Variants in VMP1 observed in about 807,000 individuals in gnomAD.
VMP1 encodes the protein ectopic P-granules autophagy protein 3 homolog.
In VMP1, 11 loss-of-function variants were observed where a neutral mutation model predicts 56.0. That is an observed-to-expected ratio of 0.20 (90% CI 0.12 to 0.32). The LOEUF (loss-of-function observed/expected upper bound fraction) is 0.32, where lower values mean the gene tolerates loss of function less well. Ranked by LOEUF, VMP1 falls within the 10% of genes least tolerant of loss-of-function variation. The pLI is 1.00. For missense variants in VMP1, 296 were observed against 490.3 expected, an observed-to-expected ratio of 0.60 and a Z score of 3.74; for synonymous variants, 149 against 165.0, an observed-to-expected ratio of 0.90 and a Z score of 0.74.
At chr17:59,739,723 CAAAAAAAAAAAAAA>C (rs35210425) in intron 5 of VMP1, among the ~76,000 whole-genome samples, 1 of 41,562 alleles carries the variant, frequency 2.4e-5, no homozygotes, top group African/African-American at 1.0e-4. Context: ...GACTCTGTCT[CAAAAAAAAAAAAAA>C]AAAAAAAAGT....
At chr17:59,786,918 G>A (rs1484017705) in intron 7 of VMP1, among the ~76,000 whole-genome samples, 3 of 152,130 alleles carry the variant, frequency 2.0e-5, no homozygotes, top group African/African-American at 7.2e-5. Flanking sequence ...CATTAAAGGC[G>A]TTGTCAAAAC....
chr17:59,750,493 G>A (rs548870929), intron 5 of VMP1, among the ~76,000 whole-genome samples: 3 of 151,998 alleles, frequency 2.0e-5, no homozygotes, highest in East Asian at 1.9e-4. Flanking sequence ...GTAGAAATGG[G>A]GTTTCACCAT....
At chr17:59,714,538 T>C (rs1371217257) in intron 1 of VMP1, among the ~76,000 whole-genome samples, 1 of 152,130 alleles carries the variant, frequency 6.6e-6, no homozygotes, top group African/African-American at 2.4e-5. Context: ...ATAAAAGTGG[T>C]TACATCTAGC....
At chr17:59,796,055 T>C (rs1273891474) in intron 7 of VMP1, among the ~76,000 whole-genome samples, 1 of 152,194 alleles carries the variant, frequency 6.6e-6, no homozygotes, top group Non-Finnish European at 1.5e-5. Flanking sequence ...ATCTTTCTTG[T>C]TTTTGCTCTC....
Position 59,840,090 on chromosome 17 carries a change from T to A in VMP1, c.*179T>A. On this transcript the variant is annotated 3_prime_UTR_variant, in exon 12 of 12. Transcript: ENST00000262291. ...CATACTTTTTCCTTCTGTGCTAAGGTAAGGTATCCACCCTCGATGCAATCC... is the reference window on the plus strand; with the variant it reads ...CATACTTTTTCCTTCTGTGCTAAGGAAAGGTATCCACCCTCGATGCAATCC... 1 of 708,212 alleles carries A rather than the reference T, an allele frequency of 1.4e-6. No homozygotes were observed. The highest frequency in any genetic ancestry group is 2.2e-6 in the Non-Finnish European group (1 of 449,736). The allele number at this position is 708,212 out of a possible 1,614,324, so 43.9% of individuals were successfully genotyped here.
intron 6 of VMP1, among the ~76,000 whole-genome samples, chr17:59,771,166 CTT>C (rs59535247): frequency 6.8e-6 from 1 of 146,282 alleles, no homozygotes; most frequent in Non-Finnish European, 1.5e-5. Context: ...TACATTACAC[CTT>C]TTTTTTTTTT....
intron 7 of VMP1, 112 bp from the exon 8 acceptor site, chr17:59,808,684 A>T: frequency 1.3e-6 from 1 of 784,698 alleles, no homozygotes; most frequent in Middle Eastern, 3.5e-4. Flanking sequence ...TTCATCATTC[A>T]TCTTATTAAT....
intron 7 of VMP1, among the ~76,000 whole-genome samples, chr17:59,787,300 T>C (rs2037038990): frequency 6.6e-6 from 1 of 152,226 alleles, no homozygotes; most frequent in Non-Finnish European, 1.5e-5. Flanking sequence ...TGAACTCTTT[T>C]GCCACCTCAC....
At position 59,801,174 on chromosome 17, in the gene VMP1, A is replaced by G. The variant is rs548247083; in HGVS notation, c.715-7622A>G. On this transcript the variant is annotated intron_variant, in intron 7 of 11. Coordinates refer to ENST00000262291, the MANE Select transcript of VMP1 (RefSeq NM_030938.5). Reference sequence around the variant, plus strand: ...TATGGCACATACAGTTATATATAGTACATAATACTTGATAGTAAATGAAAT... The same window carrying G: ...TATGGCACATACAGTTATATATAGTGCATAATACTTGATAGTAAATGAAAT... Among the ~76,000 whole-genome samples the G allele has an allele frequency of 1.2e-4, 18 of 149,518 alleles. No individual in the cohort carries two copies. The South Asian group carries it at 3.8e-3, about 32-fold the overall frequency.
intron 1 of VMP1, among the ~76,000 whole-genome samples, chr17:59,708,756 T>A (rs184607321): frequency 1.3e-3 from 200 of 152,364 alleles, no homozygotes; most frequent in Non-Finnish European, 2.3e-3. Flanking sequence ...TTTAGTTGTG[T>A]ATTCTTAGCA....
intron 7 of VMP1, among the ~76,000 whole-genome samples, chr17:59,805,910 T>C (rs954465736): frequency 4.6e-5 from 7 of 152,140 alleles, no homozygotes; most frequent in Admixed American, 4.6e-4. Flanking sequence ...TTACCTTTTC[T>C]TGGCAATTGA....
At chr17:59,819,820 C>T (rs1373377367) in intron 10 of VMP1, among the ~76,000 whole-genome samples, 2 of 152,210 alleles carry the variant, frequency 1.3e-5, no homozygotes, top group Non-Finnish European at 1.5e-5. Flanking sequence ...CTTGAGACTG[C>T]AGAGCGCAGT....
intron 1 of VMP1, among the ~76,000 whole-genome samples, chr17:59,722,480 C>T (rs1237312660): frequency 6.6e-6 from 1 of 152,116 alleles, no homozygotes; most frequent in Admixed American, 6.6e-5. Flanking sequence ...GTTATGAGCC[C>T]AGCCTAATAA....
At chr17:59,722,167 TG>T (rs964134231) in intron 1 of VMP1, among the ~76,000 whole-genome samples, 2 of 152,110 alleles carry the variant, frequency 1.3e-5, no homozygotes, top group Non-Finnish European at 2.9e-5. Context: ...CATATGAATT[TG>T]GGGGGGCACA....
At chr17:59,739,902 C>T (rs1350529341) in intron 5 of VMP1, among the ~76,000 whole-genome samples, 9 of 150,750 alleles carry the variant, frequency 6.0e-5, no homozygotes, top group South Asian at 2.1e-4. Flanking sequence ...GGTGAAACCC[C>T]GTCTCTACTA....
intron 5 of VMP1, among the ~76,000 whole-genome samples, chr17:59,742,231 G>A (rs774634195): frequency 1.3e-5 from 2 of 152,056 alleles, no homozygotes; most frequent in Non-Finnish European, 2.9e-5. Flanking sequence ...ATTAGAGCTG[G>A]GCACAGTGGC....
chr17:59,723,073 T>G (rs1456620844), intron 1 of VMP1, among the ~76,000 whole-genome samples: 1 of 152,180 alleles, frequency 6.6e-6, no homozygotes, highest in African/African-American at 2.4e-5. Context: ...GGGTCCTGCC[T>G]CCAGGTTTGT....
At chr17:59,718,529 G>T (rs564615817) in intron 1 of VMP1, among the ~76,000 whole-genome samples, 3 of 146,460 alleles carry the variant, frequency 2.0e-5, no homozygotes, top group African/African-American at 7.6e-5. Context: ...CTCTTAACAC[G>T]GTCTTACTCT....
intron 7 of VMP1, among the ~76,000 whole-genome samples, chr17:59,796,505 A>G (rs2037442942): frequency 6.6e-6 from 1 of 152,222 alleles, no homozygotes; most frequent in Non-Finnish European, 1.5e-5. Flanking sequence ...AGTTAAATGT[A>G]ATTGCTTTTA....
Sources: allele counts gnomAD v4.1 joint callset (sites outside exome capture counted in the v4.1 genomes callset), GRCh38; gene constraint gnomAD v4.1.1; transcripts MANE v1.5; gene names NCBI Gene and HGNC (gene_info 2026-07-23, HGNC 2026-07-21).